The following CDYL variants were observed in gnomAD, a reference collection of about 807,000 sequenced individuals.
CDYL encodes the protein chromodomain Y like.
A neutral mutation model predicts 47.3 loss-of-function variants in CDYL; 8 were observed. That is an observed-to-expected ratio of 0.17 (90% confidence interval 0.10 to 0.31). The LOEUF (loss-of-function observed/expected upper bound fraction) is 0.31. Among genes scored for constraint, CDYL ranks in the 10% least tolerant of loss-of-function variants. The probability of loss-of-function intolerance (pLI) is 1.00; values close to 1 mark genes in which losing one functional copy is unlikely to be tolerated. For synonymous variants in CDYL, 266 were observed against 265.0 expected (o/e 1.00, Z -0.04); for missense variants, 471 against 701.4 (o/e 0.67, Z 3.71).
At chr6:4,730,709 C>T (rs893299723) in intron 2 of CDYL, among the ~76,000 whole-genome samples, 113 of 148,058 alleles carry the variant, frequency 7.6e-4, no homozygotes, top group African/African-American at 2.6e-3. Context: ...AAGAACATAC[C>T]TCTTTCAGCA....
At chr6:4,830,033 G>T (rs974553298) in intron 1 of CDYL, among the ~76,000 whole-genome samples, 1 of 152,192 alleles carries the variant, frequency 6.6e-6, no homozygotes, top group Admixed American at 6.5e-5. Flanking sequence ...AATAATTGCT[G>T]TTTTTTGGAA....
chr6:4,923,564 C>T (rs1351863212), intron 2 of CDYL, among the ~76,000 whole-genome samples: 1 of 152,122 alleles, frequency 6.6e-6, no homozygotes. Context: ...GTGCTGATTT[C>T]ATTTTCTTTG....
chr6:4,734,835 C>A (rs770374434), exon 3 of CDYL: 4 of 1,614,074 alleles, frequency 2.5e-6, no homozygotes, highest in South Asian at 2.2e-5. Context: ...AGCAGCCTCC[C>A]GCTTTACAGG....
intron 2 of CDYL, among the ~76,000 whole-genome samples, chr6:4,904,502 T>G (rs1236008314): frequency 6.6e-6 from 1 of 152,264 alleles, no homozygotes; most frequent in African/African-American, 2.4e-5. Flanking sequence ...TGATGCTCAA[T>G]TCTTCCATTC....
chr6:4,852,353 A>C (rs1335118958), intron 1 of CDYL, among the ~76,000 whole-genome samples: 7 of 118,724 alleles, frequency 5.9e-5, no homozygotes, highest in East Asian at 2.6e-4. Context: ...CTTCCTTCCA[A>C]TCTTCCTTCC....
At chr6:4,796,099 A>G (rs923726208) in intron 1 of CDYL, among the ~76,000 whole-genome samples, 2 of 152,110 alleles carry the variant, frequency 1.3e-5, no homozygotes, top group African/African-American at 4.8e-5. Flanking sequence ...AGCTGGGACT[A>G]CAGGCACGCA....
At chr6:4,711,104 T>C (rs781669236) in intron 1 of CDYL, among the ~76,000 whole-genome samples, 2 of 152,170 alleles carry the variant, frequency 1.3e-5, no homozygotes, top group Non-Finnish European at 2.9e-5. Flanking sequence ...ACAATGGACT[T>C]ATCCCCACCA....
At chr6:4,930,003 T>A (rs1213291301) in intron 2 of CDYL, among the ~76,000 whole-genome samples, 3 of 152,200 alleles carry the variant, frequency 2.0e-5, no homozygotes, top group Non-Finnish European at 4.4e-5. Context: ...ATCAGTTTGA[T>A]CCTTTCACAG....
At chr6:4,926,860 A>G (rs1385304391) in intron 2 of CDYL, among the ~76,000 whole-genome samples, 1 of 152,128 alleles carries the variant, frequency 6.6e-6, no homozygotes, top group African/African-American at 2.4e-5. Flanking sequence ...TGGGCAGTGG[A>G]AGGACACAAG....
chr6:4,710,002 T>C (rs1227120608), intron 1 of CDYL, among the ~76,000 whole-genome samples: 3 of 152,060 alleles, frequency 2.0e-5, no homozygotes, highest in Non-Finnish European at 4.4e-5. Flanking sequence ...GGGCAGATTG[T>C]CTGTGTTCAG....
At chr6:4,707,065 G>A (rs1018780470) in intron 1 of CDYL, among the ~76,000 whole-genome samples, 32 of 152,098 alleles carry the variant, frequency 2.1e-4, no homozygotes, top group African/African-American at 7.2e-4. Flanking sequence ...GCCTCAATCA[G>A]GTTTTTTTAA....
At chr6:4,756,109 C>T (rs912951139) in intron 3 of CDYL, among the ~76,000 whole-genome samples, 11 of 152,126 alleles carry the variant, frequency 7.2e-5, no homozygotes, top group Non-Finnish European at 1.2e-4. Flanking sequence ...TCCAATAAAT[C>T]TCTGCCCTCT....
At chr6:4,829,285 C>G (rs1760067912) in intron 1 of CDYL, among the ~76,000 whole-genome samples, 1 of 152,004 alleles carries the variant, frequency 6.6e-6, no homozygotes. Context: ...GTGACATTTC[C>G]ACACTATTCT....
intron 2 of CDYL, among the ~76,000 whole-genome samples, chr6:4,730,606 G>A (rs974014490): frequency 2.7e-5 from 4 of 150,260 alleles, no homozygotes; most frequent in African/African-American, 7.4e-5. Context: ...CCCAGGAGGC[G>A]GAGGTTGCAG....
At chr6:4,877,989 A>G (rs758772886) in intron 1 of CDYL, among the ~76,000 whole-genome samples, 10 of 152,132 alleles carry the variant, frequency 6.6e-5, no homozygotes, top group Non-Finnish European at 1.3e-4. Flanking sequence ...TTAGGCTTGT[A>G]ATTTCTCAGC....
chr6:4,869,022 T>A (rs1342470410), intron 1 of CDYL, among the ~76,000 whole-genome samples: 3 of 152,200 alleles, frequency 2.0e-5, no homozygotes, highest in African/African-American at 7.2e-5. Context: ...CCAAGTTCTG[T>A]CTTAGAATCT....
intron 2 of CDYL, among the ~76,000 whole-genome samples, chr6:4,725,953 G>A (rs977019785): frequency 2.6e-5 from 4 of 151,970 alleles, no homozygotes; most frequent in Admixed American, 2.0e-4. Context: ...AAATTACCAA[G>A]CAGCGTTTCA....
At chr6:4,718,706 ATT>A (rs1757314835) in intron 2 of CDYL, 1 of 152,210 alleles carries the variant, frequency 6.6e-6, no homozygotes, top group Non-Finnish European at 1.5e-5. Flanking sequence ...GCAAATTAAT[ATT>A]TGTGTGTTGA....
chr6:4,938,566 ATACT>A (rs779313359), intron 4 of CDYL, among the ~76,000 whole-genome samples: 20 of 152,252 alleles, frequency 1.3e-4, no homozygotes, highest in Admixed American at 3.9e-4. Context: ...ATTACCTCAC[ATACT>A]TACTATTTTG....
Sources: gnomAD v4.1 joint callset for allele counts (sites outside exome capture counted in the v4.1 genomes callset) on GRCh38, gnomAD v4.1.1 for gene constraint, MANE v1.5 for transcripts, NCBI Gene and HGNC (gene_info 2026-07-23, HGNC 2026-07-21) for gene names.